The following MICU1 variants were observed in gnomAD, a reference collection of about 807,000 sequenced individuals.
MICU1 encodes calcium uptake protein 1, mitochondrial.
Under a neutral mutation model 56.8 loss-of-function variants are expected in MICU1, and 45 were observed. That is an observed-to-expected ratio of 0.79 (90% confidence interval 0.62 to 1.02). MICU1 has a LOEUF of 1.02. MICU1 is among the 50% of genes least tolerant of loss of function. The pLI is 0.00. For missense variants in MICU1, 504 were observed against 587.1 expected, an observed-to-expected ratio of 0.86 and a Z score of 1.46; for synonymous variants, 186 against 195.1, an observed-to-expected ratio of 0.95 and a Z score of 0.39.
chr10:72,530,169 A>G (rs1297680357), intron 5 of MICU1, among the ~76,000 whole-genome samples: 2 of 151,164 alleles, frequency 1.3e-5, no homozygotes, highest in Non-Finnish European at 2.9e-5. Context: ...CTCTACTAAA[A>G]ATACAAAAAA....
intron 1 of MICU1, among the ~76,000 whole-genome samples, chr10:72,595,355 AC>A (rs1841347886): frequency 6.6e-6 from 1 of 150,904 alleles, no homozygotes; most frequent in African/African-American, 2.4e-5. Flanking sequence ...TGGAGACCGA[AC>A]CAGGAGAATC....
At chr10:72,438,657 A>G (rs1176418310) in intron 8 of MICU1, among the ~76,000 whole-genome samples, 1 of 152,190 alleles carries the variant, frequency 6.6e-6, no homozygotes, top group Admixed American at 6.6e-5. Flanking sequence ...TGCTAGCAAG[A>G]CTAATAAAGA....
intron 1 of MICU1, among the ~76,000 whole-genome samples, chr10:72,600,060 G>A (rs1442157384): frequency 6.6e-6 from 1 of 152,146 alleles, no homozygotes; most frequent in East Asian, 1.9e-4. Flanking sequence ...GGGAGGCTGA[G>A]GCCGGTGGAT....
At chr10:72,518,558 A>T (rs879164071) in intron 5 of MICU1, among the ~76,000 whole-genome samples, 1 of 152,350 alleles carries the variant, frequency 6.6e-6, no homozygotes, top group Admixed American at 6.5e-5. Context: ...GTAATAAATT[A>T]TCAGTTCAGT....
At position 72,532,862 on chromosome 10, in the gene MICU1, G is replaced by A. The variant is rs1328176353; in HGVS notation, c.537+884C>T. The A allele has an allele frequency of 2.6e-6, 3 of 1,144,130 alleles. No individual in the cohort carries two copies. In the African/African-American group the frequency reaches 4.8e-5, roughly 18 times the overall value. 70.9% of individuals were successfully genotyped at this position (1,144,130 alleles called of 1,614,324 possible). A position where few individuals can be genotyped will look rare whatever the true frequency, so the allele number is the denominator to read the frequency against. On this transcript the variant is annotated intron_variant, in intron 5 of 11. Coordinates refer to ENST00000361114, the MANE Select transcript of MICU1 (RefSeq NM_001195518.2). ...TCATTCTTTTCACTTGTATAAAAGA[G>A]CTCAACACTTATCTCTCCACCTTAC...
intron 4 of MICU1, among the ~76,000 whole-genome samples, chr10:72,549,183 T>C (rs1227168506): frequency 6.6e-6 from 1 of 151,386 alleles, no homozygotes; most frequent in Non-Finnish European, 1.5e-5. Flanking sequence ...ATGTGTCTGT[T>C]TTTTTTGGTT....
chr10:72,474,758 C>T (rs1866061027), intron 8 of MICU1, among the ~76,000 whole-genome samples: 4 of 152,204 alleles, frequency 2.6e-5, no homozygotes, highest in Admixed American at 2.6e-4. Flanking sequence ...TCATCTCCAT[C>T]TTCTGGTGTC....
intron 6 of MICU1, among the ~76,000 whole-genome samples, chr10:72,486,264 G>T (rs187753769): frequency 6.6e-6 from 1 of 152,278 alleles, no homozygotes; most frequent in East Asian, 1.9e-4. Context: ...GCCATTTTCA[G>T]TATTGTTGGT....
At chr10:72,520,796 A>T (rs1867794351) in intron 5 of MICU1, among the ~76,000 whole-genome samples, 1 of 152,158 alleles carries the variant, frequency 6.6e-6, no homozygotes, top group Admixed American at 6.6e-5. Context: ...AATGGCATTA[A>T]CTTTAAGGAA....
intron 8 of MICU1, among the ~76,000 whole-genome samples, chr10:72,449,306 AATAATTG>A (rs1204635620): frequency 6.6e-6 from 1 of 152,116 alleles, no homozygotes. Context: ...GCTGAGGTAC[AATAATTG>A]CTTGAACCCA....
chr10:72,441,872 C>A (rs1289262107), intron 8 of MICU1, among the ~76,000 whole-genome samples: 2 of 152,106 alleles, frequency 1.3e-5, no homozygotes, highest in East Asian at 3.9e-4. Context: ...CCCACCCTGG[C>A]CTCCCAGAAT....
At chr10:72,474,285 A>AG (rs1564890100) in intron 8 of MICU1, among the ~76,000 whole-genome samples, 2 of 136,088 alleles carry the variant, frequency 1.5e-5, no homozygotes, top group African/African-American at 2.7e-5. Context: ...AAAAAAAAAA[A>AG]AAGAAGAAAA....
At position 72,474,258 on chromosome 10, in the gene MICU1, CAAAAAAAAAAA is replaced by C. The variant is rs55978543; in HGVS notation, c.933+831_933+841del. On this transcript the variant is annotated intron_variant, in intron 8 of 11. Coordinates refer to ENST00000361114, the MANE Select transcript of MICU1 (RefSeq NM_001195518.2). The stretch of plus-strand genomic sequence containing the variant: ...CCTGGCTGATGGAGTAGGACTGTCT[CAAAAAAAAAAA>C]AAAAAAAAAAAAAAAAAAGAAGAAA... Among the ~76,000 whole-genome samples the C allele has an allele frequency of 3.0e-3, 183 of 60,724 alleles. 1 individual carries two copies. Among genetic ancestry groups the C allele is most frequent in the Non-Finnish European group, 4.0e-3 (144 of 36,212 alleles). The allele number at this position is 60,724 out of a possible 152,430, so 39.8% of individuals were successfully genotyped here. A position where few individuals can be genotyped will look rare whatever the true frequency, so the allele number is the denominator to read the frequency against.
intron 1 of MICU1, among the ~76,000 whole-genome samples, chr10:72,600,621 C>T (rs573578081): frequency 6.8e-6 from 1 of 146,226 alleles, no homozygotes; most frequent in East Asian, 1.9e-4. Flanking sequence ...TGCACTCCAG[C>T]CTGGGTGACA....
At chr10:72,488,252 G>A in intron 6 of MICU1, among the ~76,000 whole-genome samples, 1 of 151,030 alleles carries the variant, frequency 6.6e-6, no homozygotes, top group Non-Finnish European at 1.5e-5. Flanking sequence ...GTTCCTACTT[G>A]TATATCTTTT....
At chr10:72,423,153 T>C in intron 9 of MICU1, 81 bp downstream of exon 9, 8 of 1,516,026 alleles carry the variant, frequency 5.3e-6, no homozygotes, top group Non-Finnish European at 7.1e-6. Flanking sequence ...AATACTCTCA[T>C]CATTATGTTA....
intron 2 of MICU1, among the ~76,000 whole-genome samples, chr10:72,564,695 C>T (rs543118871): frequency 6.6e-6 from 1 of 151,918 alleles, no homozygotes; most frequent in East Asian, 1.9e-4. Flanking sequence ...GTTTGGAAAA[C>T]CTGAGGTGCC....
At position 72,533,843 on chromosome 10, in the gene MICU1, T is replaced by A. The variant is rs11818304; in HGVS notation, c.494-54A>T. 0.63 allele frequency: 782,536 copies of A among 1,234,318 alleles called. 259,225 individuals are homozygous for A. The highest frequency in any genetic ancestry group is 0.72 in the African/African-American group (47,121 of 65,650). 76.5% of individuals were successfully genotyped at this position (1,234,318 alleles called of 1,614,324 possible). A position where few individuals can be genotyped will look rare whatever the true frequency, so the allele number is the denominator to read the frequency against. The stretch of plus-strand genomic sequence containing the variant: ...CTACTGATAATAACTCAAGTGAAAT[T>A]TATAAAATGACAGCTCTTGGTTTTG... On this transcript the variant is annotated intron_variant, in intron 4 of 11. Transcript: ENST00000361114.
chr10:72,614,925 T>C (rs1487425431), intron 1 of MICU1, among the ~76,000 whole-genome samples: 1 of 152,240 alleles, frequency 6.6e-6, no homozygotes, highest in Non-Finnish European at 1.5e-5. Context: ...TGTGCTAAAA[T>C]ATACATAACA....
Sources: allele counts gnomAD v4.1 joint callset (sites outside exome capture counted in the v4.1 genomes callset), GRCh38; gene constraint gnomAD v4.1.1; transcripts MANE v1.5; gene names NCBI Gene and HGNC (gene_info 2026-07-23, HGNC 2026-07-21).